STAT5B: variants seen among roughly 807,000 people sequenced by gnomAD.
The protein encoded by STAT5B is signal transducer and activator of transcription 5B, also known as transcription factor STAT5B.
A neutral mutation model predicts 107.8 loss-of-function variants in STAT5B; 21 were observed. The observed-to-expected ratio is 0.19, with a 90% CI of 0.14 to 0.28. The LOEUF (loss-of-function observed/expected upper bound fraction) is 0.28, where lower values mean the gene tolerates loss of function less well. Among genes scored for constraint, STAT5B ranks in the 10% least tolerant of loss-of-function variants. STAT5B has a pLI of 1.00. For missense variants in STAT5B, 565 were observed against 1,008.2 expected (o/e 0.56, Z 5.95); for synonymous variants, 325 against 401.7 (o/e 0.81, Z 2.28).
At chr17:42,226,120 A>G (rs1013599986) in intron 3 of STAT5B, among the ~76,000 whole-genome samples, 2 of 152,054 alleles carry the variant, frequency 1.3e-5, no homozygotes, top group Non-Finnish European at 2.9e-5. Context: ...TTTTTAGTAG[A>G]GATGGGGTTT....
chr17:42,209,586 T>A (rs2080112907), intron 15 of STAT5B, among the ~76,000 whole-genome samples: 1 of 152,166 alleles, frequency 6.6e-6, no homozygotes, highest in African/African-American at 2.4e-5. Context: ...TGCACGTCTG[T>A]GGTCCCAGCT....
At chr17:42,224,962 T>A in intron 3 of STAT5B, 94 bp from the exon 4 acceptor site, 1 of 1,236,628 alleles carries the variant, frequency 8.1e-7, no homozygotes, top group Non-Finnish European at 1.2e-6. Flanking sequence ...AGGGACCTCC[T>A]GAATCACAGG....
chr17:42,211,469 G>A (rs2080129223), intron 13 of STAT5B, among the ~76,000 whole-genome samples: 1 of 152,030 alleles, frequency 6.6e-6, no homozygotes, highest in South Asian at 2.1e-4. Flanking sequence ...TCGTGCCATT[G>A]CAGTCCAGCC....
intron 1 of STAT5B, among the ~76,000 whole-genome samples, chr17:42,250,177 T>G (rs1290228595): frequency 1.3e-5 from 2 of 152,206 alleles, no homozygotes; most frequent in Admixed American, 6.5e-5. Flanking sequence ...CCCATGTCGT[T>G]GGCTCTATGT....
rs2080242843 is a variant in STAT5B, at chr17:42,222,941, C to T, written c.550+441G>A. 1.3e-5 allele frequency among the ~76,000 whole-genome samples: 2 copies of T among 152,098 alleles called. 1 individual carries two copies. Among genetic ancestry groups the T allele is most frequent in the South Asian group, 4.1e-4 (2 of 4,832 alleles). On this transcript the variant is annotated intron_variant, in intron 5 of 18. Transcript: ENST00000293328. ...TCAGGTGATCCGCCTGCCTCAGCCT[C>T]CCAAAGTGCTGGGATTACAGGTGTG... is the stretch of plus-strand genomic sequence containing the variant.
intron 1 of STAT5B, among the ~76,000 whole-genome samples, chr17:42,264,626 G>C (rs2144408409): frequency 6.6e-6 from 1 of 152,086 alleles, no homozygotes; most frequent in South Asian, 2.1e-4. Flanking sequence ...ATCTGGGTTG[G>C]TTCCAAGTCT....
chr17:42,206,251 G>A (rs1156245491), intron 16 of STAT5B, among the ~76,000 whole-genome samples: 3 of 152,012 alleles, frequency 2.0e-5, no homozygotes, highest in African/African-American at 7.3e-5. Flanking sequence ...CACCACACCT[G>A]ACTACTTTTT....
At chr17:42,265,377 C>CTTCTTTTTTTTTTTTTTTTTTTTTTTTTT (rs2080659931) in intron 1 of STAT5B, among the ~76,000 whole-genome samples, 5 of 110,594 alleles carry the variant, frequency 4.5e-5, no homozygotes. Flanking sequence ...ATGTACTCTT[C>CTTCTTTTTTTTTTTTTTTTTTTTTTTTTT]TTTTTTTTTT....
intron 16 of STAT5B, 35 bp from the exon 17 acceptor site, chr17:42,202,843 C>T (rs1438536538): frequency 6.2e-7 from 1 of 1,613,740 alleles, no homozygotes; most frequent in Non-Finnish European, 8.5e-7. Flanking sequence ...TCAAAGTTCT[C>T]AAGTGAAACA....
chr17:42,201,821 C>T lies in STAT5B; in HGVS notation c.2281G>A (p.Asp761Asn). Residue 761 changes from aspartate (D) to asparagine (N), a missense_variant, in exon 19 of 19, where the codon GAC becomes AAC. Asp to Asn is a conservative substitution (Grantham distance 23, BLOSUM62 1). Coordinates refer to ENST00000293328, the MANE Select transcript of STAT5B (RefSeq NM_012448.4). ...LDTDGDFDLEDTMDVARRVEE... is the reference protein window; with the variant it reads ...LDTDGDFDLENTMDVARRVEE... The stretch of plus-strand genomic sequence containing the variant: ...ACACGCCGCGCTACGTCCATTGTGT[C>T]CTCCAGATCGAAGTCCCCATCGGTG... The T allele has an allele frequency of 6.2e-7, 1 of 1,614,022 alleles. No homozygotes were observed. The highest frequency in any genetic ancestry group is 1.1e-5 in the South Asian group (1 of 91,072).
chr17:42,231,931 A>G (rs542636982), intron 2 of STAT5B, 69 bp downstream of exon 2: 1 of 1,602,416 alleles, frequency 6.2e-7, no homozygotes, highest in East Asian at 2.2e-5. Flanking sequence ...CCATCATGAC[A>G]TCTTTCTAAA....
chr17:42,226,078 T>A (rs151218520), intron 3 of STAT5B, among the ~76,000 whole-genome samples: 2,107 of 152,058 alleles, frequency 0.014, 44 homozygotes, highest in African/African-American at 0.049. Flanking sequence ...GGGATTACAG[T>A]TGTCCACTGC....
chr17:42,200,789 C>G lies in STAT5B; in HGVS notation c.*949G>C, dbSNP rs1241335153. On this transcript the variant is annotated 3_prime_UTR_variant, in exon 19 of 19. Coordinates refer to ENST00000293328, the MANE Select transcript of STAT5B (RefSeq NM_012448.4). ...ATTTGCAAAAAGCATCATCAATAAG[C>G]CTGAAGAAGGCCACGGACTGTGCAT... is the stretch of plus-strand genomic sequence containing the variant. 3.0e-6 allele frequency: 1 copy of G among 329,164 alleles called. No homozygotes were observed. The highest frequency in any genetic ancestry group is 5.5e-6 in the Non-Finnish European group (1 of 182,570). The allele number at this position is 329,164 out of a possible 1,614,324, so 20.4% of individuals were successfully genotyped here. A position where few individuals can be genotyped will look rare whatever the true frequency, so the allele number is the denominator to read the frequency against.
intron 8 of STAT5B, 41 bp from the exon 9 acceptor site, chr17:42,218,371 T>C (rs991266524): frequency 6.8e-5 from 108 of 1,596,634 alleles, no homozygotes; most frequent in Admixed American, 1.7e-4. Context: ...GAGGGGCTGG[T>C]GCAGGGGAAA....
chr17:42,281,651 A>C (rs1462609731), upstream of STAT5B, among the ~76,000 whole-genome samples: 1 of 152,162 alleles, frequency 6.6e-6, no homozygotes, highest in Non-Finnish European at 1.5e-5. Flanking sequence ...GTGCAGGTGC[A>C]TGGAGGACTC....
chr17:42,274,328 G>A (rs909057297), intron 1 of STAT5B, among the ~76,000 whole-genome samples: 1 of 139,614 alleles, frequency 7.2e-6, no homozygotes, highest in Non-Finnish European at 1.5e-5. Context: ...CCTTCCCTGT[G>A]TCTCAATCTG....
intron 9 of STAT5B, 75 bp from the exon 10 acceptor site, chr17:42,217,539 G>T: frequency 6.4e-7 from 1 of 1,557,562 alleles, no homozygotes; most frequent in East Asian, 2.2e-5. Context: ...ATATAATTTG[G>T]GGTAGCAGGA....
intron 1 of STAT5B, among the ~76,000 whole-genome samples, chr17:42,263,215 A>T (rs2144403247): frequency 6.6e-6 from 1 of 150,558 alleles, no homozygotes; most frequent in Non-Finnish European, 1.5e-5. Context: ...TCTGTGTAAA[A>T]ATATACAGGC....
chr17:42,283,944 CA>C, the STAT5B span, among the ~76,000 whole-genome samples: 13 of 151,982 alleles, frequency 8.6e-5, no homozygotes, highest in Admixed American at 7.9e-4. Context: ...GGGGGTGAAA[CA>C]GGATGTTTAA....
Sources: gnomAD v4.1 joint callset for allele counts (sites outside exome capture counted in the v4.1 genomes callset) on GRCh38, gnomAD v4.1.1 for gene constraint, MANE v1.5 for transcripts, NCBI Gene and HGNC (gene_info 2026-07-23, HGNC 2026-07-21) for gene names.